CDH18: variants seen among roughly 807,000 people sequenced by gnomAD.
CDH18 encodes cadherin 18, also known as cadherin-18.
CDH18 carries 31 observed loss-of-function variants against 67.9 expected under a neutral mutation model. The observed-to-expected ratio is 0.46, with a 90% CI of 0.34 to 0.62. The LOEUF is 0.62. Among genes scored for constraint, CDH18 ranks in the 20% least tolerant of loss-of-function variants. The pLI is 0.01. For missense variants in CDH18, 890 were observed against 975.5 expected, an observed-to-expected ratio of 0.91 and a Z score of 1.17; for synonymous variants, 362 against 347.2, an observed-to-expected ratio of 1.04 and a Z score of -0.48.
At chr5:19,594,853 A>G (rs976909820) in intron 6 of CDH18, among the ~76,000 whole-genome samples, 2 of 152,160 alleles carry the variant, frequency 1.3e-5, no homozygotes, top group Non-Finnish European at 2.9e-5. Flanking sequence ...TAAAAGCTTA[A>G]TGCTTTTCCA....
intron 1 of CDH18, among the ~76,000 whole-genome samples, chr5:20,474,457 T>C (rs1487102339): frequency 1.3e-5 from 2 of 152,124 alleles, no homozygotes; most frequent in Non-Finnish European, 2.9e-5. Flanking sequence ...AACATACACA[T>C]GGGACCCTGC....
rs186884739 is a variant in CDH18, at chr5:19,809,080, T to C, written c.228+29679A>G. On this transcript the variant is annotated intron_variant, in intron 3 of 12. Coordinates refer to ENST00000382275, the MANE Select transcript of CDH18 (RefSeq NM_004934.5). ...GTACAAAACAAAACCCGAGGAAAGATGTGGCCATAAAAATGGCAGACAAAG... is the reference window on the plus strand; with the variant it reads ...GTACAAAACAAAACCCGAGGAAAGACGTGGCCATAAAAATGGCAGACAAAG... Among the ~76,000 whole-genome samples the C allele has an allele frequency of 5.0e-3, 766 of 152,228 alleles. 17 individuals carry two copies. The highest frequency in any genetic ancestry group is 0.04 in the Admixed American group (615 of 15,276).
chr5:19,703,319 G>A (rs1763512397), intron 5 of CDH18, among the ~76,000 whole-genome samples: 1 of 152,080 alleles, frequency 6.6e-6, no homozygotes, highest in South Asian at 2.1e-4. Flanking sequence ...AGTAAGAAGG[G>A]GAGCTTGGAA....
chr5:19,473,882 G>A (rs2126497628), intron 12 of CDH18, among the ~76,000 whole-genome samples, 166 bp from the exon 13 acceptor site: 1 of 152,182 alleles, frequency 6.6e-6, no homozygotes, highest in South Asian at 2.1e-4. Flanking sequence ...AACACCGCAA[G>A]GTACTGTAAT....
intron 1 of CDH18, among the ~76,000 whole-genome samples, chr5:20,458,599 C>G (rs1038060190): frequency 4.6e-5 from 7 of 152,242 alleles, no homozygotes; most frequent in Admixed American, 4.6e-4. Context: ...GCCTGGGCAA[C>G]AGAGCGAGAC....
chr5:20,007,369 T>C (rs1434757943), intron 2 of CDH18, among the ~76,000 whole-genome samples: 1 of 151,910 alleles, frequency 6.6e-6, no homozygotes, highest in Non-Finnish European at 1.5e-5. Context: ...ATAAAGAATG[T>C]TGACTTAGGC....
At chr5:19,961,972 C>G (rs12186538) in intron 2 of CDH18, among the ~76,000 whole-genome samples, 44,252 of 151,556 alleles carry the variant, frequency 0.29, 7,872 homozygotes, top group Admixed American at 0.4. Context: ...AATTTGGAAA[C>G]TTTTGTTAAC....
At chr5:20,560,797 A>C (rs962596794) in intron 1 of CDH18, among the ~76,000 whole-genome samples, 1 of 152,106 alleles carries the variant, frequency 6.6e-6, no homozygotes, top group Admixed American at 6.6e-5. Context: ...GTAAATTCTT[A>C]AGTTACATGC....
At chr5:20,004,302 T>C (rs1302936881) in intron 2 of CDH18, among the ~76,000 whole-genome samples, 1 of 152,208 alleles carries the variant, frequency 6.6e-6, no homozygotes, top group African/African-American at 2.4e-5. Context: ...GAGTATTACA[T>C]CAAGGTGAAA....
At chr5:20,101,981 G>A (rs2150577681) in intron 2 of CDH18, among the ~76,000 whole-genome samples, 1 of 152,270 alleles carries the variant, frequency 6.6e-6, no homozygotes, top group South Asian at 2.1e-4. Context: ...TGAGGCAGGA[G>A]AATTGCTTGA....
chr5:20,281,694 C>T (rs1410167168), intron 1 of CDH18, among the ~76,000 whole-genome samples: 8 of 152,168 alleles, frequency 5.3e-5, no homozygotes, highest in African/African-American at 1.9e-4. Flanking sequence ...GATGCGGGCT[C>T]TCTTTTGGTT....
chr5:20,506,600 C>A (rs1754675999), intron 1 of CDH18, among the ~76,000 whole-genome samples: 1 of 152,160 alleles, frequency 6.6e-6, no homozygotes, highest in Non-Finnish European at 1.5e-5. Context: ...CTGGCTGACA[C>A]CATGATTTCT....
intron 2 of CDH18, among the ~76,000 whole-genome samples, chr5:20,061,092 T>C (rs1742446690): frequency 1.3e-5 from 2 of 152,068 alleles, no homozygotes; most frequent in Admixed American, 6.6e-5. Context: ...ATTTATTATT[T>C]TGTTTCTCAT....
chr5:19,774,092 T>C (rs1324653306), intron 3 of CDH18, among the ~76,000 whole-genome samples: 1 of 152,114 alleles, frequency 6.6e-6, no homozygotes, highest in African/African-American at 2.4e-5. Flanking sequence ...CAAAATAACA[T>C]GGGTTTGGTG....
chr5:20,462,439 G>T lies in CDH18; in HGVS notation c.-580+113023C>A, dbSNP rs113097110. ...GTTCTAATGTTTGATAGCTGAGTGG[G>T]TGAATATAGTTAACAACAATACACT... On this transcript the variant is annotated intron_variant, in intron 1 of 14. Transcript: ENST00000507958. 4.7e-4 allele frequency among the ~76,000 whole-genome samples: 71 copies of T among 152,188 alleles called. 2 individuals are homozygous for T. Among genetic ancestry groups the T allele is most frequent in the African/African-American group, 1.5e-3 (62 of 41,540 alleles).
intron 10 of CDH18, among the ~76,000 whole-genome samples, chr5:19,509,516 G>T (rs913053047): frequency 1.3e-5 from 2 of 152,062 alleles, no homozygotes; most frequent in Non-Finnish European, 2.9e-5. Context: ...AATAGTATCT[G>T]CATACATTTA....
intron 2 of CDH18, among the ~76,000 whole-genome samples, chr5:20,162,983 C>A (rs200053175): frequency 6.6e-6 from 1 of 151,836 alleles, no homozygotes; most frequent in Non-Finnish European, 1.5e-5. Context: ...CGCTTGAACC[C>A]GGGAGGCGGA....
chr5:19,581,908 C>G (rs1050054473), intron 7 of CDH18, among the ~76,000 whole-genome samples: 1 of 151,948 alleles, frequency 6.6e-6, no homozygotes, highest in Admixed American at 6.6e-5. Flanking sequence ...AGAGGTCTGG[C>G]CTGGATGATG....
intron 3 of CDH18, among the ~76,000 whole-genome samples, chr5:19,838,367 G>A (rs1781903767): frequency 6.6e-6 from 1 of 152,102 alleles, no homozygotes; most frequent in Non-Finnish European, 1.5e-5. Context: ...GGAGCAATAT[G>A]TGAAAATAGC....
Sources: gnomAD v4.1 joint callset for allele counts (sites outside exome capture counted in the v4.1 genomes callset) on GRCh38, gnomAD v4.1.1 for gene constraint, MANE v1.5 for transcripts, NCBI Gene and HGNC (gene_info 2026-07-23, HGNC 2026-07-21) for gene names.